Variants in WRN observed in about 807,000 individuals in gnomAD.
WRN encodes WRN RecQ like helicase.
In WRN, 149 loss-of-function variants were observed where a neutral mutation model predicts 180.7. That is an observed-to-expected ratio of 0.82 (90% CI 0.72 to 0.94). WRN has a LOEUF of 0.94. Among genes scored for constraint, WRN ranks in the 40% least tolerant of loss-of-function variants. WRN has a pLI of 0.00. For synonymous variants in WRN, 548 were observed against 568.9 expected (o/e 0.96, Z 0.52); for missense variants, 1,661 against 1,700.1 (o/e 0.98, Z 0.40).
intron 24 of WRN, among the ~76,000 whole-genome samples, chr8:31,139,622 A>G (rs1563375045): frequency 6.6e-6 from 1 of 152,226 alleles, no homozygotes; most frequent in Non-Finnish European, 1.5e-5. Context: ...TCTGCAAACC[A>G]ACGTGAACCT....
chr8:31,090,489 A>C lies in WRN; in HGVS notation c.1677A>C (p.Ser559=). Residue 559 remains serine (S), a synonymous_variant, in exon 14 of 35, where the codon TCA becomes TCC. Transcript: ENST00000298139. ...FKPVQWKVIH[S]VLEERRDNVA... ...GAGTTCAGTGGAAAGTGATTCATTCAGTATTAGAAGAAAGAAGAGATAATG... is the reference window on the plus strand; with the variant it reads ...GAGTTCAGTGGAAAGTGATTCATTCCGTATTAGAAGAAAGAAGAGATAATG... 1 of 1,612,210 alleles carries C rather than the reference A, an allele frequency of 6.2e-7. No homozygotes were observed. Among genetic ancestry groups the C allele is most frequent in the Non-Finnish European group, 8.5e-7 (1 of 1,178,712 alleles).
chr8:31,159,236 G>T (rs1401029614), intron 33 of WRN, among the ~76,000 whole-genome samples: 1 of 151,912 alleles, frequency 6.6e-6, no homozygotes, highest in Non-Finnish European at 1.5e-5. Flanking sequence ...GGAGTTTGGG[G>T]TTATAATAAG....
At chr8:31,081,921 C>T (rs991487711) in intron 9 of WRN, among the ~76,000 whole-genome samples, 1 of 151,944 alleles carries the variant, frequency 6.6e-6, no homozygotes, top group African/African-American at 2.4e-5. Flanking sequence ...CCACTACACT[C>T]AGCTAATTTT....
rs1563378195 is a variant in WRN at position 31,143,637 on chromosome 8, T to C, written c.3383+14T>C. 3 of 1,546,370 alleles carry C rather than the reference T, an allele frequency of 1.9e-6. No homozygotes were observed. The highest frequency in any genetic ancestry group is 3.4e-4 in the Middle Eastern group (2 of 5,920). ...TTCTAAAAAAAGGTACAGAGTTCCA[T>C]ATTTCTATGTTCTATACTTGCTTTA... On this transcript the variant is annotated intron_variant, in intron 28 of 34. Coordinates refer to ENST00000298139, the MANE Select transcript of WRN (RefSeq NM_000553.6).
At chr8:31,109,405 G>A (rs1287599757) in intron 18 of WRN, among the ~76,000 whole-genome samples, 1 of 152,140 alleles carries the variant, frequency 6.6e-6, no homozygotes, top group Non-Finnish European at 1.5e-5. Context: ...GATTTTCACT[G>A]TTACCAGATT....
At chr8:31,128,223 A>C (rs577883093) in intron 23 of WRN, among the ~76,000 whole-genome samples, 1 of 152,320 alleles carries the variant, frequency 6.6e-6, no homozygotes, top group Admixed American at 6.5e-5. Context: ...AACAATCCAA[A>C]AATTAGTACA....
chr8:31,078,452 C>T (rs184243815), intron 8 of WRN, among the ~76,000 whole-genome samples: 1 of 152,228 alleles, frequency 6.6e-6, no homozygotes, highest in East Asian at 1.9e-4. Flanking sequence ...TTCATAGATC[C>T]AGTTTGACAA....
chr8:31,115,486 C>A lies in WRN; in HGVS notation c.2274-868C>A, dbSNP rs188551370. 7.2e-5 allele frequency among the ~76,000 whole-genome samples: 11 copies of A among 152,114 alleles called. No individual in the cohort carries two copies. The East Asian group carries it at 2.1e-3, about 29-fold the overall frequency. On this transcript the variant is annotated intron_variant, in intron 19 of 34. Transcript: ENST00000298139. The stretch of plus-strand genomic sequence containing the variant: ...TAGATAATGATGAACATTTAGATGA[C>A]TTTTTACTATTATAATGTTGCAGTG...
chr8:31,172,265 G>A (rs11574404), intron 34 of WRN, among the ~76,000 whole-genome samples: 88 of 152,086 alleles, frequency 5.8e-4, no homozygotes, highest in African/African-American at 1.8e-3. Flanking sequence ...CAGTGATCCT[G>A]CCAAAGTGTT....
In WRN at chr8:31,143,651, A is replaced by G. The variant is rs372563903; in HGVS notation, c.3383+28A>G. The G allele has an allele frequency of 3.5e-5, 53 of 1,500,360 alleles. No homozygotes were observed. In the East Asian group the frequency reaches 7.5e-4, roughly 21 times the overall value. 92.9% of individuals were successfully genotyped at this position (1,500,360 alleles called of 1,614,324 possible). A position where few individuals can be genotyped will look rare whatever the true frequency, so the allele number is the denominator to read the frequency against. On this transcript the variant is annotated intron_variant, in intron 28 of 34. Transcript: ENST00000298139. The stretch of plus-strand genomic sequence containing the variant: ...ACAGAGTTCCATATTTCTATGTTCT[A>G]TACTTGCTTTATGAGTACTTTTTTT...
At chr8:31,113,761 T>C (rs1214022835) in intron 19 of WRN, among the ~76,000 whole-genome samples, 1 of 152,206 alleles carries the variant, frequency 6.6e-6, no homozygotes, top group Non-Finnish European at 1.5e-5. Flanking sequence ...CTGTTTTTCA[T>C]GTTGACTCTG....
Position 31,163,213 on chromosome 8 carries a change from T to C in WRN, c.3983-3809T>C, listed in dbSNP as rs569687763. 3.3e-5 allele frequency among the ~76,000 whole-genome samples: 5 copies of C among 152,260 alleles called. No homozygotes were observed. The East Asian group carries it at 7.7e-4, about 24-fold the overall frequency. Reference sequence around the variant, plus strand: ...TCACTTCATTATGGGCAGAGGGAAATGGTAAAGAAAAATTTCATATTATAT... The same window carrying C: ...TCACTTCATTATGGGCAGAGGGAAACGGTAAAGAAAAATTTCATATTATAT... On this transcript the variant is annotated intron_variant, in intron 33 of 34. Transcript: ENST00000298139.
intron 1 of WRN, among the ~76,000 whole-genome samples, chr8:31,036,172 A>G (rs1717604466): frequency 6.6e-6 from 1 of 152,202 alleles, no homozygotes; most frequent in South Asian, 2.1e-4. Flanking sequence ...AGTTCCATTC[A>G]TGTTGCTGCA....
chr8:31,161,410 C>T (rs776197782), intron 33 of WRN, among the ~76,000 whole-genome samples: 14 of 152,104 alleles, frequency 9.2e-5, no homozygotes, highest in African/African-American at 2.7e-4. Context: ...CTAGGCTGTA[C>T]GGTATAGCTC....
At chr8:31,093,128 A>T (rs1020909225) in intron 16 of WRN, among the ~76,000 whole-genome samples, 3 of 152,032 alleles carry the variant, frequency 2.0e-5, no homozygotes, top group African/African-American at 4.8e-5. Context: ...TTGTAGAGAC[A>T]GGATCTTGCT....
At chr8:31,091,016 C>A in intron 15 of WRN, 74 bp downstream of exon 15, 1 of 1,133,456 alleles carries the variant, frequency 8.8e-7, no homozygotes, top group Non-Finnish European at 1.3e-6. Context: ...ATCCATCATG[C>A]ATGTTAAAAT....
chr8:31,161,077 T>C (rs1469209306), intron 33 of WRN, among the ~76,000 whole-genome samples: 1 of 151,996 alleles, frequency 6.6e-6, no homozygotes, highest in Non-Finnish European at 1.5e-5. Context: ...GCCTTCTTTA[T>C]ATCCTGAAAC....
rs750903457 is a variant in WRN, at chr8:31,064,383, T to C, written c.304T>C (p.Leu102=). 6.8e-6 allele frequency: 11 copies of C among 1,614,140 alleles called. 1 individual carries two copies. The Admixed American group carries it at 1.8e-4, about 27-fold the overall frequency. The change falls in exon 4 of 35, where the codon TTG becomes CTG. Residue 102 remains leucine (L), a synonymous_variant. Transcript: ENST00000298139. ...ACTTGGCAAAGTTGCACTAATTCAG[T>C]TGTGTGTTTCTGAGAGCAAATGTTA... is the stretch of plus-strand genomic sequence containing the variant. ...GKLGKVALIQ[L]CVSESKCYLF...
chr8:31,137,785 G>A (rs1046241528), intron 24 of WRN, among the ~76,000 whole-genome samples: 7 of 152,008 alleles, frequency 4.6e-5, no homozygotes, highest in Admixed American at 1.3e-4. Flanking sequence ...GAGGGGGTGC[G>A]TGTGAGTGCT....
Sources: allele counts gnomAD v4.1 joint callset (sites outside exome capture counted in the v4.1 genomes callset), GRCh38; gene constraint gnomAD v4.1.1; transcripts MANE v1.5; gene names NCBI Gene and HGNC (gene_info 2026-07-23, HGNC 2026-07-21).